The following SLC13A2 variants were observed in gnomAD, a reference collection of about 807,000 sequenced individuals.
The protein encoded by SLC13A2 is Na(+)-coupled citrate transporter.
Under a neutral mutation model 58.5 loss-of-function variants are expected in SLC13A2, and 40 were observed. The observed-to-expected ratio is 0.68, with a 90% CI of 0.53 to 0.89. The LOEUF (loss-of-function observed/expected upper bound fraction) is 0.89, where lower values mean the gene tolerates loss of function less well. Ranked by LOEUF, SLC13A2 falls within the 40% of genes least tolerant of loss-of-function variation. SLC13A2 has a pLI of 0.00. For synonymous variants in SLC13A2, 341 were observed against 331.6 expected (o/e 1.03, Z -0.31); for missense variants, 694 against 772.6 (o/e 0.90, Z 1.21).
At position 28,491,631 on chromosome 17, in the gene SLC13A2, G is replaced by T; in HGVS notation, c.755+14G>T. The stretch of plus-strand genomic sequence containing the variant: ...CCAGATCAACTCGTGAGTGACAAGG[G>T]GTGGGCCACCTTGGGGGATCTGCAC... On this transcript the variant is annotated intron_variant, in intron 5 of 11. Transcript: ENST00000314669. 3.1e-6 allele frequency: 5 copies of T among 1,611,064 alleles called. No individual in the cohort carries two copies. Among genetic ancestry groups the T allele is most frequent in the Non-Finnish European group, 4.2e-6 (5 of 1,177,870 alleles).
chr17:28,491,678 G>GGAT (rs2069027005), intron 5 of SLC13A2, 52 bp from the exon 6 acceptor site: 2 of 1,610,232 alleles, frequency 1.2e-6, no homozygotes, highest in African/African-American at 2.7e-5. Flanking sequence ...GGTGAATGGG[G>GGAT]CTGGGCAGTT....
Position 28,496,430 on chromosome 17 carries a change from G to T in SLC13A2, c.1471-20G>T, listed in dbSNP as rs943405056. ...GCTTGGGGACCAAGTTCAGCTCTGC[G>T]CCACTGCCTCCCACTCCAGGCCCAG... On this transcript the variant is annotated intron_variant, in intron 10 of 11. Transcript: ENST00000314669. The surrounding 1 kb of genome is among the most constrained non-coding windows in gnomAD (Gnocchi z 4.2). The T allele has an allele frequency of 6.3e-7, 1 of 1,586,672 alleles. No homozygotes were observed. Among genetic ancestry groups the T allele is most frequent in the South Asian group, 1.1e-5 (1 of 87,730 alleles).
At chr17:28,483,095 C>T (rs2068814251) in intron 1 of SLC13A2, among the ~76,000 whole-genome samples, 1 of 152,242 alleles carries the variant, frequency 6.6e-6, no homozygotes, top group African/African-American at 2.4e-5. Flanking sequence ...ACCTCTGAGA[C>T]TGTGGGCACA....
In SLC13A2 at chr17:28,482,195, G is replaced by T. The variant is rs528672794; in HGVS notation, c.103-7019G>T. On this transcript the variant is annotated intron_variant, in intron 1 of 11. Coordinates refer to ENST00000314669, the MANE Select transcript of SLC13A2 (RefSeq NM_003984.4). ...CCACCATGCCCAGCTAAGTTTTTTT[G>T]TTTGTTTGTTTGTTTGTTTGTTTGT... 2.9e-3 allele frequency among the ~76,000 whole-genome samples: 426 copies of T among 148,382 alleles called. 24 individuals are homozygous for T. In the South Asian group the frequency reaches 0.081, roughly 28 times the overall value.
intron 4 of SLC13A2, among the ~76,000 whole-genome samples, 188 bp from the exon 5 acceptor site, chr17:28,491,249 A>C (rs954341604): frequency 1.1e-4 from 17 of 152,146 alleles, no homozygotes; most frequent in African/African-American, 3.9e-4. Context: ...AGAGTGTCCA[A>C]GGGTGCTCCC....
intron 4 of SLC13A2, 68 bp from the exon 5 acceptor site, chr17:28,491,369 C>A: frequency 6.5e-7 from 1 of 1,548,330 alleles, no homozygotes; most frequent in Non-Finnish European, 8.8e-7. Context: ...GAGGGCCTTG[C>A]AGCCCTGGCC....
rs1567852896 is a variant in SLC13A2 at position 28,489,222 on chromosome 17, C to T, written c.111C>T (p.Tyr37=). The stretch of plus-strand genomic sequence containing the variant: ...TTCTCTCCCACCTGCAGGAGGCCTA[C>T]TGCGCGTATGCCATCATCCTCATGG... ...LPILVPSKEA[Y]CAYAIILMAL... Residue 37 remains tyrosine, a synonymous_variant, in exon 2 of 12, where the codon TAC becomes TAT. Coordinates refer to ENST00000314669, the MANE Select transcript of SLC13A2 (RefSeq NM_003984.4). 3 of 1,613,676 alleles carry T rather than the reference C, an allele frequency of 1.9e-6. No individual in the cohort carries two copies. Among genetic ancestry groups the T allele is most frequent in the Non-Finnish European group, 2.5e-6 (3 of 1,179,994 alleles).
At chr17:28,480,991 G>T (rs1031868722) in intron 1 of SLC13A2, among the ~76,000 whole-genome samples, 1 of 152,152 alleles carries the variant, frequency 6.6e-6, no homozygotes, top group Admixed American at 6.5e-5. Flanking sequence ...AGGCCAGGGG[G>T]ATCCCTGGCG....
intron 1 of SLC13A2, among the ~76,000 whole-genome samples, chr17:28,483,334 A>G (rs1165022232): frequency 2.6e-5 from 4 of 152,146 alleles, no homozygotes; most frequent in Non-Finnish European, 5.9e-5. Flanking sequence ...CAATGCTTTA[A>G]AACTTATTCC....
chr17:28,489,912 A>G (rs183233997), intron 2 of SLC13A2, among the ~76,000 whole-genome samples: 225 of 152,336 alleles, frequency 1.5e-3, no homozygotes, highest in African/African-American at 5.1e-3. Flanking sequence ...TTATCTCCCA[A>G]CTAATTATTC....
intron 1 of SLC13A2, among the ~76,000 whole-genome samples, chr17:28,477,186 G>GTTTTTTTTTTTT (rs1251199584): frequency 8.4e-6 from 1 of 119,442 alleles, no homozygotes; most frequent in Non-Finnish European, 1.7e-5. Context: ...AAACACCCAA[G>GTTTTTTTTTTTT]TTTTTTGTTT....
intron 1 of SLC13A2, among the ~76,000 whole-genome samples, chr17:28,477,494 A>T (rs970800072): frequency 6.7e-6 from 1 of 150,186 alleles, no homozygotes; most frequent in African/African-American, 2.4e-5. Context: ...ATGCCCGGCC[A>T]CCCCCAACTT....
At chr17:28,480,256 C>G (rs1555600825) in intron 1 of SLC13A2, among the ~76,000 whole-genome samples, 1 of 151,978 alleles carries the variant, frequency 6.6e-6, no homozygotes, top group African/African-American at 2.4e-5. Flanking sequence ...ATCACTTGAG[C>G]CAGGGAGGTC....
rs558635292 is a variant in SLC13A2 at position 28,492,398 on chromosome 17, C to T, written c.878+546C>T. Among the ~76,000 whole-genome samples the T allele has an allele frequency of 3.9e-5, 6 of 152,300 alleles. No individual in the cohort carries two copies. The South Asian group carries it at 1.2e-3, about 32-fold the overall frequency. On this transcript the variant is annotated intron_variant, in intron 6 of 11. Transcript: ENST00000314669. ...CCAGGTGAGTGAAGATTCCAGAACA[C>T]CATGGAGGAGATCATGCCTGGGCTG...
In SLC13A2 at chr17:28,491,747, G is replaced by T. The variant is rs782603070; in HGVS notation, c.773G>T (p.Gly258Val). 7 of 1,614,180 alleles carry T rather than the reference G, an allele frequency of 4.3e-6. No individual in the cohort carries two copies. The highest frequency in any genetic ancestry group is 5.9e-6 in the Non-Finnish European group (7 of 1,180,018). ...GQINSLFPQN[G>V]NVVNFASWFS... ...TCCTTCAGGCTCTTCCCCCAAAACG[G>T]CAACGTGGTGAACTTCGCCTCCTGG... Residue 258 changes from glycine (G) to valine (V), a missense_variant, in exon 6 of 12, where the codon GGC becomes GTC. By Grantham distance (109) the Gly-to-Val change is moderately radical. Transcript: ENST00000314669.
At chr17:28,482,468 T>C (rs1369905692) in intron 1 of SLC13A2, among the ~76,000 whole-genome samples, 1 of 152,208 alleles carries the variant, frequency 6.6e-6, no homozygotes, top group East Asian at 1.9e-4. Context: ...AAGGGGATCC[T>C]GGTACCAAAA....
Position 28,496,969 on chromosome 17 carries a change from A to C in SLC13A2, c.1609-130A>C, listed in dbSNP as rs534607934. 1 of 923,554 alleles carries C rather than the reference A, an allele frequency of 1.1e-6. No homozygotes were observed. The highest frequency in any genetic ancestry group is 2.2e-5 in the Admixed American group (1 of 44,758). The allele number at this position is 923,554 out of a possible 1,614,324, so 57.2% of individuals were successfully genotyped here. A position where few individuals can be genotyped will look rare whatever the true frequency, so the allele number is the denominator to read the frequency against. ...AAAGGCATTGGCTATGCTGCAGGTT[A>C]GACCAACGGGAGGACTTCCCAGAGA... On this transcript the variant is annotated intron_variant, in intron 11 of 11. Transcript: ENST00000314669. The surrounding 1 kb of genome is among the most constrained non-coding windows in gnomAD (Gnocchi z 4.2).
intron 2 of SLC13A2, 119 bp from the exon 3 acceptor site, chr17:28,490,335 T>C (rs782448932): frequency 4.4e-6 from 7 of 1,608,404 alleles, no homozygotes; most frequent in Admixed American, 1.7e-5. Context: ...CCATCCAGTT[T>C]CGAGAGCCCA....
At chr17:28,484,152 G>T (rs1464749530) in intron 1 of SLC13A2, among the ~76,000 whole-genome samples, 3 of 152,212 alleles carry the variant, frequency 2.0e-5, no homozygotes, top group Non-Finnish European at 2.9e-5. Flanking sequence ...TCCCTGGAGG[G>T]TAGAGTCTGA....
Sources: gnomAD v4.1 joint callset for allele counts (sites outside exome capture counted in the v4.1 genomes callset) on GRCh38, gnomAD v4.1.1 for gene constraint, Gnocchi (gnomAD v3.1) non-coding constraint, MANE v1.5 for transcripts, NCBI Gene and HGNC (gene_info 2026-07-23, HGNC 2026-07-21) for gene names.